SPTBN2: variants seen among roughly 807,000 people sequenced by gnomAD.
The protein encoded by SPTBN2 is spectrin beta chain, non-erythrocytic 2.
SPTBN2 carries 107 observed loss-of-function variants against 284.2 expected under a neutral mutation model. That is an observed-to-expected ratio of 0.38 (90% CI 0.32 to 0.44). The LOEUF (loss-of-function observed/expected upper bound fraction) is 0.44. Ranked by LOEUF, SPTBN2 falls within the 20% of genes least tolerant of loss-of-function variation. The pLI, the probability that SPTBN2 is intolerant of heterozygous loss-of-function variation, is 1.00. For missense variants in SPTBN2, 2,569 were observed against 3,287.1 expected (o/e 0.78, Z 5.34); for synonymous variants, 1,289 against 1,354.8 (o/e 0.95, Z 1.07).
At position 66,712,095 on chromosome 11, in the gene SPTBN2, C is replaced by T. The variant is rs374324248; in HGVS notation, c.773-1066G>A. ...AGGCTCTGGAGCCAGGCTGCCTGAA[C>T]GCCAATCTCAGCTCCATCTGCCGGA... is the stretch of plus-strand genomic sequence containing the variant. On this transcript the variant is annotated intron_variant, in intron 8 of 37. Transcript: ENST00000533211. 1.6e-3 allele frequency among the ~76,000 whole-genome samples: 242 copies of T among 152,338 alleles called. 7 individuals carry two copies. In the South Asian group the frequency reaches 0.046, roughly 29 times the overall value.
chr11:66,743,882 CAG>C (rs1291632600), intron 1 of SPTBN2, among the ~76,000 whole-genome samples: 1 of 150,510 alleles, frequency 6.6e-6, no homozygotes, highest in African/African-American at 2.4e-5. Context: ...TTTTTTGAGA[CAG>C]AGTTTCGCTC....
At chr11:66,711,439 C>T (rs1003345183) in intron 8 of SPTBN2, among the ~76,000 whole-genome samples, 1 of 152,210 alleles carries the variant, frequency 6.6e-6, no homozygotes, top group Non-Finnish European at 1.5e-5. Context: ...ATGAACTAAG[C>T]CTCCTGAACC....
At position 66,705,451 on chromosome 11, in the gene SPTBN2, G is replaced by C; in HGVS notation, c.1825C>G (p.Pro609Ala). 6.2e-7 allele frequency: 1 copy of C among 1,613,042 alleles called. No individual in the cohort carries two copies. Among genetic ancestry groups the C allele is most frequent in the Non-Finnish European group, 8.5e-7 (1 of 1,180,018 alleles). ...NPGKEYRPCDPQLVSERVAKL... is the reference protein window; with the variant it reads ...NPGKEYRPCDAQLVSERVAKL... The stretch of plus-strand genomic sequence containing the variant: ...GCCACCCGCTCCGACACCAGCTGCG[G>C]GTCGCAAGGTCTATACTCTGAGAAA... Residue 609 changes from proline (P) to alanine (A), a missense_variant, in exon 15 of 38, where the codon CCG (proline) becomes GCG (alanine). Physicochemically the swap from Pro to Ala is conservative, Grantham distance 27 (BLOSUM62 -1). Coordinates refer to ENST00000533211, the MANE Select transcript of SPTBN2 (RefSeq NM_006946.4).
At position 66,715,659 on chromosome 11, in the gene SPTBN2, C is replaced by T. The variant is rs148599232; in HGVS notation, c.309+171G>A. On this transcript the variant is annotated intron_variant, in intron 4 of 37. Coordinates refer to ENST00000533211, the MANE Select transcript of SPTBN2 (RefSeq NM_006946.4). The surrounding 1 kb of genome is among the most constrained non-coding windows in gnomAD (Gnocchi z 5.3). ...CTGTTCCTGTCTCCATGAAGCAATGCTCCTATGTAATCTAAGTGGCAAAGG... is the reference window on the plus strand; with the variant it reads ...CTGTTCCTGTCTCCATGAAGCAATGTTCCTATGTAATCTAAGTGGCAAAGG... Among the ~76,000 whole-genome samples, 260 of 152,326 alleles carry T rather than the reference C, an allele frequency of 1.7e-3. No homozygotes were observed. Among genetic ancestry groups the T allele is most frequent in the African/African-American group, 5.9e-3 (246 of 41,568 alleles).
intron 1 of SPTBN2, among the ~76,000 whole-genome samples, chr11:66,734,420 T>C (rs538586429): frequency 6.6e-6 from 1 of 152,158 alleles, no homozygotes; most frequent in Non-Finnish European, 1.5e-5. Flanking sequence ...TCCAGCCTGG[T>C]CTCTCACCAC....
rs1940703075 is a variant in SPTBN2 at position 66,693,465 on chromosome 11, G to C, written c.4594-19C>G. ...GCAGGGTCTGCCCATGGCCACAGAA[G>C]AGAAAATGCTGAAAGTCCTGCCCCA... On this transcript the variant is annotated intron_variant, in intron 23 of 37. Transcript: ENST00000533211. The surrounding 1 kb of genome is among the most constrained non-coding windows in gnomAD (Gnocchi z 5.7). 3 of 1,594,718 alleles carry C rather than the reference G, an allele frequency of 1.9e-6. No individual in the cohort carries two copies. Among genetic ancestry groups the C allele is most frequent in the Non-Finnish European group, 2.5e-6 (3 of 1,178,028 alleles).
rs756807663 is a variant in SPTBN2, at chr11:66,690,190, C to T, written c.5659G>A (p.Glu1887Lys). ...CTTCCCTGAAGCTGGGCCCAGGCCTCGGCCACGGCCTGCATGTGGCGGCCG... is the reference window on the plus strand; with the variant it reads ...CTTCCCTGAAGCTGGGCCCAGGCCTTGGCCACGGCCTGCATGTGGCGGCCG... ...EIGRHMQAVA[E>K]AWAQLQGSSA... The change falls in exon 28 of 38, where the codon GAG becomes AAG. Residue 1887 changes from glutamate to lysine, a missense_variant. Glu to Lys is a moderately conservative substitution (Grantham distance 56). Around this residue, in one of 6 missense-constraint regions of SPTBN2, gnomAD observed 1,130 missense variants for 1,317.3 expected, o/e 0.86. Coordinates refer to ENST00000533211, the MANE Select transcript of SPTBN2 (RefSeq NM_006946.4). 145 of 1,613,886 alleles carry T rather than the reference C, an allele frequency of 9.0e-5. No homozygotes were observed. The highest frequency in any genetic ancestry group is 1.1e-4 in the Non-Finnish European group (128 of 1,179,992).
intron 3 of SPTBN2, 105 bp from the exon 4 acceptor site, chr11:66,716,086 G>A: frequency 6.7e-7 from 1 of 1,500,202 alleles, no homozygotes; most frequent in East Asian, 2.3e-5. Flanking sequence ...GAGATGGGAA[G>A]CGGGGTCCTC....
chr11:66,690,594 G>C (rs1015586114), intron 27 of SPTBN2, among the ~76,000 whole-genome samples: 1 of 152,156 alleles, frequency 6.6e-6, no homozygotes, highest in Non-Finnish European at 1.5e-5. Flanking sequence ...TACTTAGCCT[G>C]AAAAGGGGAT....
Position 66,721,413 on chromosome 11 carries a change from G to T in SPTBN2, c.-86C>A. The T allele has an allele frequency of 1.2e-6, 1 of 803,650 alleles. No homozygotes were observed. 49.8% of individuals were successfully genotyped at this position (803,650 alleles called of 1,614,324 possible). A position where few individuals can be genotyped will look rare whatever the true frequency, so the allele number is the denominator to read the frequency against. On this transcript the variant is annotated 5_prime_UTR_variant, in exon 2 of 38. In the 5' UTR this introduces an upstream ATG that the reference lacks. Coordinates refer to ENST00000533211, the MANE Select transcript of SPTBN2 (RefSeq NM_006946.4). ...GCTGCTCAGTGGAAATCAGCCCCCAGGGGAAGAGGGGAAGCCACCTGGGAA... is the reference window on the plus strand; with the variant it reads ...GCTGCTCAGTGGAAATCAGCCCCCATGGGAAGAGGGGAAGCCACCTGGGAA...
Position 66,684,880 on chromosome 11 carries a change from G to C in SPTBN2, c.*991C>G, listed in dbSNP as rs1045186071. ...CTGGGCTGAGCAGTGGCTGAGACTGGCTGGGGCTGTAGCAATGCTTCCCAG... is the reference window on the plus strand; with the variant it reads ...CTGGGCTGAGCAGTGGCTGAGACTGCCTGGGGCTGTAGCAATGCTTCCCAG... On this transcript the variant is annotated 3_prime_UTR_variant, in exon 38 of 38. Coordinates refer to ENST00000533211, the MANE Select transcript of SPTBN2 (RefSeq NM_006946.4). 1.5e-4 allele frequency among the ~76,000 whole-genome samples: 23 copies of C among 152,172 alleles called. 1 individual carries two copies.
chr11:66,692,781 G>A (rs1190747789), intron 25 of SPTBN2, 41 bp from the exon 26 acceptor site: 5 of 1,599,306 alleles, frequency 3.1e-6, no homozygotes, highest in Admixed American at 1.7e-5. Flanking sequence ...ACTTAGGGGT[G>A]TAGCTCTGAC....
At chr11:66,706,950 G>A (rs1300866047) in intron 13 of SPTBN2, among the ~76,000 whole-genome samples, 1 of 152,220 alleles carries the variant, frequency 6.6e-6, no homozygotes, top group South Asian at 2.1e-4. Flanking sequence ...TCACTTTAAA[G>A]GATCCATGTT....
At chr11:66,705,656 C>T (rs761172063) in intron 14 of SPTBN2, 28 bp downstream of exon 14, 2 of 1,608,872 alleles carry the variant, frequency 1.2e-6, no homozygotes, top group African/African-American at 2.7e-5. Flanking sequence ...CAGCCCCTCC[C>T]TCTCCAGTGC....
At chr11:66,742,743 G>T (rs1942904009) in intron 1 of SPTBN2, among the ~76,000 whole-genome samples, 1 of 152,060 alleles carries the variant, frequency 6.6e-6, no homozygotes, top group Non-Finnish European at 1.5e-5. Context: ...CCAGGTAGCT[G>T]GGACTACAGG....
At position 66,689,855 on chromosome 11, in the gene SPTBN2, T is replaced by C. The variant is rs779835767; in HGVS notation, c.5899A>G (p.Ile1967Val). The C allele has an allele frequency of 1.2e-4, 198 of 1,614,024 alleles. No individual in the cohort carries two copies. Among genetic ancestry groups the C allele is most frequent in the Non-Finnish European group, 1.6e-4 (190 of 1,180,038 alleles). ...GCCAGCAGCTCCTTCCCCATGTCGA[T>C]GCAGGAGGAGAAGCGGTCTGCCCGG... is the stretch of plus-strand genomic sequence containing the variant. ...EARADRFSSC[I>V]DMGKELLARS... The change falls in exon 29 of 38, where the codon ATC becomes GTC. Residue 1967 changes from isoleucine to valine, a missense_variant. Around this residue, in one of 6 missense-constraint regions of SPTBN2, gnomAD observed 1,130 missense variants for 1,317.3 expected, o/e 0.86. Transcript: ENST00000533211.
At position 66,702,537 on chromosome 11, in the gene SPTBN2, C is replaced by T. The variant is rs554585204; in HGVS notation, c.2679-816G>A. Among the ~76,000 whole-genome samples the T allele has an allele frequency of 1.6e-4, 24 of 152,314 alleles. No homozygotes were observed. The South Asian group carries it at 5.0e-3, about 32-fold the overall frequency. Reference sequence around the variant, plus strand: ...AGGGCTTGATGGTAAATATTATAGGCTTCGTGAGCCATGCAGCTGCTGCGG... The same window carrying T: ...AGGGCTTGATGGTAAATATTATAGGTTTCGTGAGCCATGCAGCTGCTGCGG... On this transcript the variant is annotated intron_variant, in intron 15 of 37. Coordinates refer to ENST00000533211, the MANE Select transcript of SPTBN2 (RefSeq NM_006946.4).
chr11:66,686,841 G>T (rs113313351), intron 36 of SPTBN2, 153 bp downstream of exon 36: 4 of 983,640 alleles, frequency 4.1e-6, no homozygotes, highest in African/African-American at 1.6e-5. Flanking sequence ...CAGAATCTCC[G>T]CCTCCCTCAT....
At chr11:66,711,078 A>G (rs776675246) in intron 8 of SPTBN2, 49 bp from the exon 9 acceptor site, 3 of 1,476,732 alleles carry the variant, frequency 2.0e-6, no homozygotes, top group Non-Finnish European at 2.8e-6. Context: ...TTCATCCATA[A>G]CTTGCATCAC....
Sources: gnomAD v4.1 joint callset for allele counts (sites outside exome capture counted in the v4.1 genomes callset) on GRCh38, gnomAD v4.1.1 for gene constraint, gnomAD v4.1.1 regional missense constraint, Gnocchi (gnomAD v3.1) non-coding constraint, MANE v1.5 for transcripts, NCBI Gene and HGNC (gene_info 2026-07-23, HGNC 2026-07-21) for gene names.